Variants in NIN observed in about 807,000 individuals in gnomAD.
NIN encodes the protein ninein.
In NIN, 137 loss-of-function variants were observed where a neutral mutation model predicts 257.6. The ratio of observed to expected loss-of-function variants is 0.53; its 90% CI spans 0.46 to 0.61. The LOEUF (loss-of-function observed/expected upper bound fraction) is 0.61. NIN is among the 20% of genes least tolerant of loss of function. The pLI, the probability that NIN is intolerant of heterozygous loss-of-function variation, is 0.00. For missense variants in NIN, 2,439 were observed against 2,501.2 expected (o/e 0.98, Z 0.53); for synonymous variants, 918 against 919.8 (o/e 1.00, Z 0.04).
chr14:50,737,026 A>C (rs1007686514), intron 27 of NIN, among the ~76,000 whole-genome samples: 3 of 152,298 alleles, frequency 2.0e-5, no homozygotes, highest in Admixed American at 1.3e-4. Flanking sequence ...AAGAGGCCTC[A>C]AAGAGCCCCA....
chr14:50,732,760 C>T (rs1371492175), intron 28 of NIN, among the ~76,000 whole-genome samples: 2 of 151,900 alleles, frequency 1.3e-5, no homozygotes, highest in African/African-American at 4.8e-5. Flanking sequence ...CGGAGTCTTG[C>T]TCTGTCACCC....
intron 3 of NIN, among the ~76,000 whole-genome samples, chr14:50,811,544 C>CTTTTTTTTTTTTTTTTTTTTTTT (rs55734117): frequency 1.3e-5 from 1 of 75,276 alleles, no homozygotes; most frequent in African/African-American, 5.3e-5. Context: ...AATGGTCAAG[C>CTTTTTTTTTTTTTTTTTTTTTTT]TTTTTTTTTT....
intron 20 of NIN, among the ~76,000 whole-genome samples, chr14:50,753,650 G>C (rs10129506): frequency 0.21 from 32,014 of 152,016 alleles, 4,567 homozygotes; most frequent in African/African-American, 0.4. Flanking sequence ...TAGAAGATCT[G>C]TATATAGATA....
At chr14:50,740,211 GACTCTC>G (rs1566789519) in intron 25 of NIN, among the ~76,000 whole-genome samples, 1 of 147,172 alleles carries the variant, frequency 6.8e-6, no homozygotes, top group Non-Finnish European at 1.5e-5. Context: ...TTTTGAGACA[GACTCTC>G]ACTCTGTCAC....
In NIN at chr14:50,757,107, T is replaced by C. The variant is rs1042928864; in HGVS notation, c.3923A>G (p.Glu1308Gly). The change falls in exon 18 of 31, where the codon GAA becomes GGA. Residue 1308 changes from glutamate (E) to glycine (G), a missense_variant. Physicochemically the swap from Glu to Gly is moderately conservative, Grantham distance 98 (BLOSUM62 -2). This residue lies in a region of NIN where 2,043 missense variants were observed against 2,050.2 expected (regional missense o/e 1.00). Transcript: ENST00000530997. The part of the protein sequence containing the change: ...EEVTETFLSL[E>G]KSYDEVKIEN... ...TATTTTGACCTCATCGTAACTCTTT[T>C]CCAGGCTGAGGAATGTTTCAGTGAC... is the stretch of plus-strand genomic sequence containing the variant. 8.7e-6 allele frequency: 14 copies of C among 1,613,122 alleles called. No homozygotes were observed. Among genetic ancestry groups the C allele is most frequent in the African/African-American group, 1.3e-5 (1 of 74,792 alleles).
intron 29 of NIN, among the ~76,000 whole-genome samples, chr14:50,728,894 G>C (rs1022514658): frequency 6.6e-6 from 1 of 152,232 alleles, no homozygotes; most frequent in African/African-American, 2.4e-5. Flanking sequence ...CAACTAGAAA[G>C]ATGTCACTGA....
In NIN at chr14:50,732,356, G is replaced by C. The variant is rs570747207; in HGVS notation, c.5878-2633C>G. ...AATCCCTGCCAGAGTGAGAAGGAAT[G>C]TACCTATCCCTCAGGTGAGCTGGGA... is the stretch of plus-strand genomic sequence containing the variant. On this transcript the variant is annotated intron_variant, in intron 28 of 30. Transcript: ENST00000530997. 2.6e-5 allele frequency among the ~76,000 whole-genome samples: 4 copies of C among 152,306 alleles called. No homozygotes were observed. The East Asian group carries it at 7.7e-4, about 29-fold the overall frequency.
At position 50,831,110 on chromosome 14, in the gene NIN, C is replaced by A. The variant is rs2045687122; in HGVS notation, c.-180G>T. ...GGACGGCCGCGCCCAGCGCGCTCGGCTCCCGGCTCGGCCGCGGCCACCCGG... is the reference window on the plus strand; with the variant it reads ...GGACGGCCGCGCCCAGCGCGCTCGGATCCCGGCTCGGCCGCGGCCACCCGG... On this transcript the variant is annotated 5_prime_UTR_variant, in exon 1 of 31. Transcript: ENST00000530997. 1.3e-4 allele frequency: 20 copies of A among 149,906 alleles called. No homozygotes were observed. The South Asian group carries it at 3.7e-3, about 28-fold the overall frequency. The allele number at this position is 149,906 out of a possible 1,614,324, so 9.3% of individuals were successfully genotyped here. A position where few individuals can be genotyped will look rare whatever the true frequency, so the allele number is the denominator to read the frequency against.
intron 16 of NIN, 39 bp downstream of exon 16, chr14:50,761,751 A>G (rs1326469905): frequency 6.2e-7 from 1 of 1,612,994 alleles, no homozygotes; most frequent in Non-Finnish European, 8.5e-7. Flanking sequence ...TGTCAGAGCC[A>G]AAAGAAATTA....
intron 28 of NIN, among the ~76,000 whole-genome samples, chr14:50,732,672 G>A (rs531325316): frequency 4.1e-4 from 62 of 152,124 alleles, no homozygotes; most frequent in African/African-American, 1.3e-3. Context: ...TGAAATATGC[G>A]AACTACATAA....
rs768399572 is a variant in NIN, at chr14:50,777,000, C to T, written c.615G>A (p.Lys205=). 18 of 1,614,120 alleles carry T rather than the reference C, an allele frequency of 1.1e-5. 1 individual carries two copies. The South Asian group carries it at 1.8e-4, about 16-fold the overall frequency. ...ACTGCTCACAGATGGAGACCAGCTT[C>T]TTCCGGTTCAGGTGACCATCACGGG... ...GITRDGHLNR[K]KLVSICEQYG... is the part of the protein sequence containing the mutation. Residue 205 remains lysine (K), a synonymous_variant, in exon 7 of 31, where the codon AAG becomes AAA. Coordinates refer to ENST00000530997, the MANE Select transcript of NIN (RefSeq NM_020921.4).
chr14:50,778,247 G>A (rs1405678977), intron 6 of NIN, among the ~76,000 whole-genome samples: 1 of 152,064 alleles, frequency 6.6e-6, no homozygotes, highest in Non-Finnish European at 1.5e-5. Context: ...GCACAATCAC[G>A]GCTCACTACA....
At chr14:50,791,807 G>GCACACACAAACACACACACACACACA (rs57083345) in intron 5 of NIN, among the ~76,000 whole-genome samples, 2 of 116,702 alleles carry the variant, frequency 1.7e-5, no homozygotes, top group African/African-American at 8.7e-5. Flanking sequence ...AGGTGCACGC[G>GCACACACAAACACACACACACACACA]CACACACACA....
At chr14:50,741,546 A>T (rs745684817) in intron 25 of NIN, 36 bp downstream of exon 25, 7 of 1,598,030 alleles carry the variant, frequency 4.4e-6, no homozygotes, top group Non-Finnish European at 6.0e-6. Flanking sequence ...CTTTACTGTA[A>T]ATAACTTATA....
At position 50,758,040 on chromosome 14, in the gene NIN, G is replaced by A. The variant is rs747915691; in HGVS notation, c.2990C>T (p.Thr997Ile). Residue 997 changes from threonine to isoleucine, a missense_variant, in exon 18 of 31, where the codon ACC (threonine) becomes ATC (isoleucine). Thr to Ile is a moderately conservative substitution (Grantham distance 89). This residue lies in a region of NIN where 2,043 missense variants were observed against 2,050.2 expected (regional missense o/e 1.00). Coordinates refer to ENST00000530997, the MANE Select transcript of NIN (RefSeq NM_020921.4). ...LLAMENIHKA[T>I]CETADRERAE... Reference sequence around the variant, plus strand: ...TCTTTCTCGATCTGCTGTCTCACAGGTCGCTTTGTGAATGTTCTCCATGGC... The same window carrying A: ...TCTTTCTCGATCTGCTGTCTCACAGATCGCTTTGTGAATGTTCTCCATGGC... 1.9e-6 allele frequency: 3 copies of A among 1,614,178 alleles called. No individual in the cohort carries two copies. The highest frequency in any genetic ancestry group is 1.3e-5 in the African/African-American group (1 of 75,048).
intron 21 of NIN, among the ~76,000 whole-genome samples, chr14:50,750,975 C>T (rs867916997): frequency 6.6e-6 from 1 of 152,140 alleles, no homozygotes; most frequent in Admixed American, 6.5e-5. Context: ...CAGACATGTA[C>T]TTTTTAATAT....
intron 5 of NIN, among the ~76,000 whole-genome samples, chr14:50,787,084 T>C (rs2043378172): frequency 6.6e-6 from 1 of 152,234 alleles, no homozygotes; most frequent in Admixed American, 6.5e-5. Flanking sequence ...TCTCAGGTCC[T>C]CACTTAAACC....
At chr14:50,742,860 A>G (rs1168102157) in intron 24 of NIN, among the ~76,000 whole-genome samples, 1 of 152,230 alleles carries the variant, frequency 6.6e-6, no homozygotes, top group Non-Finnish European at 1.5e-5. Flanking sequence ...AGTCATTTTT[A>G]TGCACTATTC....
chr14:50,764,360 G>A (rs2042391203), intron 14 of NIN, among the ~76,000 whole-genome samples: 1 of 152,098 alleles, frequency 6.6e-6, no homozygotes, highest in East Asian at 1.9e-4. Flanking sequence ...ATACAATAAC[G>A]ACTGTTGGTG....
Sources: allele counts gnomAD v4.1 joint callset (sites outside exome capture counted in the v4.1 genomes callset), GRCh38; gene constraint gnomAD v4.1.1; regional missense constraint gnomAD v4.1.1; transcripts MANE v1.5; gene names NCBI Gene and HGNC (gene_info 2026-07-23, HGNC 2026-07-21).